FAM210A: variants seen among roughly 807,000 people sequenced by gnomAD.
FAM210A encodes the protein family with sequence similarity 210 member A.
A neutral mutation model predicts 25.3 loss-of-function variants in FAM210A; 13 were observed. That is an observed-to-expected ratio of 0.51 (90% CI 0.33 to 0.82). The LOEUF (loss-of-function observed/expected upper bound fraction) is 0.82, where lower values mean the gene tolerates loss of function less well. Ranked by LOEUF, FAM210A falls within the 40% of genes least tolerant of loss-of-function variation. The probability of loss-of-function intolerance (pLI) is 0.02; values close to 1 mark genes in which losing one functional copy is unlikely to be tolerated. For missense variants in FAM210A, 319 were observed against 323.2 expected (o/e 0.99, Z 0.10); for synonymous variants, 125 against 118.7 (o/e 1.05, Z -0.35).
At position 13,666,239 on chromosome 18, in the gene FAM210A, T is replaced by C; in HGVS notation, c.*241A>G. Reference sequence around the variant, plus strand: ...AAAAGAAGTCTGACTTCTAAGACATTAACCACTGCTTAATACTGCTACTGA... The same window carrying C: ...AAAAGAAGTCTGACTTCTAAGACATCAACCACTGCTTAATACTGCTACTGA... On this transcript the variant is annotated 3_prime_UTR_variant, in exon 4 of 4. Coordinates refer to ENST00000651643, the MANE Select transcript of FAM210A (RefSeq NM_152352.4). The C allele has an allele frequency of 2.2e-6, 1 of 458,888 alleles. No individual in the cohort carries two copies. The highest frequency in any genetic ancestry group is 3.9e-5 in the East Asian group (1 of 25,346). The allele number at this position is 458,888 out of a possible 1,614,324, so 28.4% of individuals were successfully genotyped here.
chr18:13,715,055 T>C (rs2043849743), intron 1 of FAM210A: 1 of 152,002 alleles, frequency 6.6e-6, no homozygotes, highest in African/African-American at 2.4e-5. Flanking sequence ...ATAATGTACA[T>C]ATATATATAA....
intron 1 of FAM210A, among the ~76,000 whole-genome samples, chr18:13,722,811 G>A (rs1300225394): frequency 6.6e-6 from 1 of 151,678 alleles, no homozygotes; most frequent in East Asian, 2.0e-4. Context: ...AGCTTCAATC[G>A]GGAATTTGAA....
intron 1 of FAM210A, among the ~76,000 whole-genome samples, chr18:13,698,697 C>A (rs993655734): frequency 2.0e-5 from 3 of 152,196 alleles, no homozygotes; most frequent in Non-Finnish European, 4.4e-5. Context: ...AAAGGCCCAA[C>A]TGAAGGAACA....
intron 1 of FAM210A, among the ~76,000 whole-genome samples, chr18:13,720,889 T>C (rs1382956728): frequency 2.6e-5 from 4 of 152,178 alleles, no homozygotes; most frequent in Non-Finnish European, 4.4e-5. Flanking sequence ...GCTGGAAATG[T>C]GTGACATTTC....
rs1403733550 is a variant in FAM210A, at chr18:13,666,177, A to T, written c.*303T>A. 2 of 301,948 alleles carry T rather than the reference A, an allele frequency of 6.6e-6. No homozygotes were observed. Among genetic ancestry groups the T allele is most frequent in the Non-Finnish European group, 1.2e-5 (2 of 161,098 alleles). 18.7% of individuals were successfully genotyped at this position (301,948 alleles called of 1,614,324 possible). ...CTAGTATGTGTCAATTACAGCTGCA[A>T]CAAAACAGAAATCAAGTGTGGTTCT... On this transcript the variant is annotated 3_prime_UTR_variant, in exon 4 of 4. Transcript: ENST00000651643.
chr18:13,689,117 C>T (rs897162466), intron 1 of FAM210A, among the ~76,000 whole-genome samples: 5 of 152,234 alleles, frequency 3.3e-5, no homozygotes, highest in African/African-American at 9.6e-5. Flanking sequence ...TCCTCTGTCC[C>T]CTTTTCCTTC....
chr18:13,669,739 T>A (rs546586351), intron 3 of FAM210A, among the ~76,000 whole-genome samples: 3 of 152,148 alleles, frequency 2.0e-5, no homozygotes, highest in Non-Finnish European at 1.5e-5. Context: ...CTTTGATTCG[T>A]TTATTCCCAG....
chr18:13,705,671 C>T (rs2043772829), intron 1 of FAM210A, among the ~76,000 whole-genome samples: 4 of 152,118 alleles, frequency 2.6e-5, no homozygotes, highest in Admixed American at 2.6e-4. Flanking sequence ...AGGGTTTCAC[C>T]ATGTTGGCCA....
At position 13,681,776 on chromosome 18, in the gene FAM210A, G is replaced by A. The variant is rs1158853747; in HGVS notation, c.302C>T (p.Thr101Ile). Residue 101 changes from threonine (T) to isoleucine (I), a missense_variant, in exon 2 of 4, where the codon ACA (threonine) becomes ATA (isoleucine). By Grantham distance (89) the Thr-to-Ile change is moderately conservative. Coordinates refer to ENST00000651643, the MANE Select transcript of FAM210A (RefSeq NM_152352.4). ...CTTTTTTTCCGGAGTTCCCTGAGCT[G>A]TGGCACTGGATGAAAAAACCCTCCT... ...SFRRVFSSSA[T>I]AQGTPEKKEE... 1 of 1,614,150 alleles carries A rather than the reference G, an allele frequency of 6.2e-7. No individual in the cohort carries two copies. The highest frequency in any genetic ancestry group is 1.1e-5 in the South Asian group (1 of 91,076).
chr18:13,712,163 C>T (rs907281774), intron 1 of FAM210A, among the ~76,000 whole-genome samples: 4 of 152,174 alleles, frequency 2.6e-5, no homozygotes, highest in African/African-American at 9.7e-5. Context: ...GCAAAATCAA[C>T]AGGTTCAATA....
chr18:13,719,346 C>A (rs1213865186), intron 1 of FAM210A, among the ~76,000 whole-genome samples: 2 of 152,194 alleles, frequency 1.3e-5, no homozygotes, highest in Non-Finnish European at 2.9e-5. Flanking sequence ...TTTATCACGT[C>A]CAAGAAGTTA....
intron 1 of FAM210A, among the ~76,000 whole-genome samples, chr18:13,691,524 C>T (rs1435453755): frequency 6.6e-6 from 1 of 152,098 alleles, no homozygotes; most frequent in Non-Finnish European, 1.5e-5. Context: ...GGGTTACCCA[C>T]AAAGGGAAGC....
In FAM210A at chr18:13,666,479, C is replaced by T. The variant is rs1232555200; in HGVS notation, c.*1G>A. On this transcript the variant is annotated 3_prime_UTR_variant, in exon 4 of 4. Coordinates refer to ENST00000651643, the MANE Select transcript of FAM210A (RefSeq NM_152352.4). ...TTTTCTATACTGCTATATAAGGCACCTTATTCCACTTTTTTCTTAAAGGAA... is the reference window on the plus strand; with the variant it reads ...TTTTCTATACTGCTATATAAGGCACTTTATTCCACTTTTTTCTTAAAGGAA... The T allele has an allele frequency of 6.2e-7, 1 of 1,612,084 alleles. No individual in the cohort carries two copies. Among genetic ancestry groups the T allele is most frequent in the Admixed American group, 1.7e-5 (1 of 59,822 alleles).
At chr18:13,671,401 C>T (rs182028739) in intron 3 of FAM210A, among the ~76,000 whole-genome samples, 6 of 152,144 alleles carry the variant, frequency 3.9e-5, no homozygotes. Context: ...ATAATTATAT[C>T]TCCATTTATC....
intron 2 of FAM210A, among the ~76,000 whole-genome samples, chr18:13,673,719 A>G (rs2043464682): frequency 6.9e-6 from 1 of 144,020 alleles, no homozygotes; most frequent in African/African-American, 2.6e-5. Context: ...GATTATTAAC[A>G]TTCCTGAGCC....
chr18:13,686,485 A>C (rs984124714), intron 1 of FAM210A, among the ~76,000 whole-genome samples: 1 of 152,182 alleles, frequency 6.6e-6, no homozygotes, highest in Non-Finnish European at 1.5e-5. Context: ...CCTGTCCCCC[A>C]CAATTTTGCC....
intron 3 of FAM210A, 58 bp from the exon 4 acceptor site, chr18:13,666,771 C>A: frequency 1.4e-6 from 2 of 1,436,482 alleles, no homozygotes; most frequent in Non-Finnish European, 1.9e-6. Flanking sequence ...TCATCTTAAG[C>A]AAAAACAAGT....
At chr18:13,696,989 G>GT (rs2043699742) in intron 1 of FAM210A, among the ~76,000 whole-genome samples, 1 of 152,048 alleles carries the variant, frequency 6.6e-6, no homozygotes, top group Admixed American at 6.5e-5. Context: ...CATTTTTACT[G>GT]TAACTTTTCC....
chr18:13,701,783 T>G (rs1237459576), intron 1 of FAM210A, among the ~76,000 whole-genome samples: 2 of 152,234 alleles, frequency 1.3e-5, no homozygotes, highest in Non-Finnish European at 2.9e-5. Context: ...ACCTTTTAGC[T>G]TAGTTATTAT....
Sources: gnomAD v4.1 joint callset for allele counts (sites outside exome capture counted in the v4.1 genomes callset) on GRCh38, gnomAD v4.1.1 for gene constraint, MANE v1.5 for transcripts, NCBI Gene and HGNC (gene_info 2026-07-23, HGNC 2026-07-21) for gene names.